Variants in MYOF observed in about 807,000 individuals in gnomAD.
The protein encoded by MYOF is fer-1-like 3, myoferlin.
In MYOF, 244 loss-of-function variants were observed where a neutral mutation model predicts 284.2. The observed-to-expected ratio is 0.86, with a 90% CI of 0.77 to 0.95. MYOF has a LOEUF of 0.95. Among genes scored for constraint, MYOF ranks in the 40% least tolerant of loss-of-function variants. MYOF has a pLI of 0.00. For synonymous variants in MYOF, 904 were observed against 919.7 expected, an observed-to-expected ratio of 0.98 and a Z score of 0.31; for missense variants, 2,496 against 2,560.6, an observed-to-expected ratio of 0.97 and a Z score of 0.54.
intron 16 of MYOF, among the ~76,000 whole-genome samples, chr10:93,394,682 G>C (rs552688741): frequency 1.4e-5 from 2 of 145,344 alleles, no homozygotes; most frequent in Non-Finnish European, 3.0e-5. Context: ...GGATGGTCTC[G>C]ATCTCCTGAC....
At chr10:93,342,622 C>T (rs1436202886) in intron 38 of MYOF, among the ~76,000 whole-genome samples, 5 of 152,118 alleles carry the variant, frequency 3.3e-5, no homozygotes, top group South Asian at 4.2e-4. Context: ...AAGAAGTGAA[C>T]GAAAATACTG....
chr10:93,363,321 C>T (rs1300914181), intron 27 of MYOF, among the ~76,000 whole-genome samples: 1 of 152,128 alleles, frequency 6.6e-6, no homozygotes, highest in Admixed American at 6.5e-5. Flanking sequence ...TTTTGATTTC[C>T]TTTAATGCTG....
At chr10:93,381,752 T>C (rs1846127313) in intron 19 of MYOF, among the ~76,000 whole-genome samples, 1 of 152,168 alleles carries the variant, frequency 6.6e-6, no homozygotes, top group African/African-American at 2.4e-5. Flanking sequence ...AGTATATTTT[T>C]TGGGCTGGGT....
chr10:93,351,303 A>C lies in MYOF; in HGVS notation c.3823-8T>G. ...GGGAAGGTTGGAGCCATCCTGTGAA[A>C]CAAACATGGATATGTCAATGCCTCA... On this transcript the variant is annotated splice_region_variant and splice_polypyrimidine_tract_variant and intron_variant, in intron 34 of 53. Coordinates refer to ENST00000359263, the MANE Select transcript of MYOF (RefSeq NM_013451.4). The C allele has an allele frequency of 1.9e-6, 3 of 1,611,622 alleles. No individual in the cohort carries two copies. The highest frequency in any genetic ancestry group is 2.5e-6 in the Non-Finnish European group (3 of 1,179,030).
intron 1 of MYOF, among the ~76,000 whole-genome samples, chr10:93,475,423 C>A (rs2057238334): frequency 6.6e-6 from 1 of 152,154 alleles, no homozygotes; most frequent in African/African-American, 2.4e-5. Flanking sequence ...CAATTTGCCC[C>A]CAGAGAACAG....
intron 1 of MYOF, among the ~76,000 whole-genome samples, chr10:93,463,394 A>AATTTTTTTTTTTTTTTTTTTTTTTT (rs34592074): frequency 1.3e-5 from 1 of 78,936 alleles, no homozygotes; most frequent in African/African-American, 4.8e-5. Context: ...GTCTCTACAA[A>AATTTTTTTTTTTTTTTTTTTTTTTT]TTTTTTTTTT....
At chr10:93,346,276 T>C (rs374470045) in intron 37 of MYOF, among the ~76,000 whole-genome samples, 3 of 152,392 alleles carry the variant, frequency 2.0e-5, no homozygotes, top group East Asian at 3.9e-4. Flanking sequence ...ACACAGCAGA[T>C]GAATTTCAGA....
At chr10:93,364,121 C>CGGCAGCCT in intron 26 of MYOF, 46 bp from the exon 27 acceptor site, 1 of 1,525,222 alleles carries the variant, frequency 6.6e-7, no homozygotes, top group Non-Finnish European at 9.1e-7. Flanking sequence ...ACCGGGTAAC[C>CGGCAGCCT]GGCAGCCTCG....
At position 93,329,715 on chromosome 10, in the gene MYOF, C is replaced by T. The variant is rs372110838; in HGVS notation, c.4931G>A (p.Arg1644Gln). ...VGETIIDLENRFLSRFGSHCG... is the reference protein window; with the variant it reads ...VGETIIDLENQFLSRFGSHCG... The stretch of plus-strand genomic sequence containing the variant: ...GTGGGACCCAAAGCGGGAAAGGAAT[C>T]GGTTTTCCAGATCAATAATTGTTTC... Residue 1644 changes from arginine to glutamine, a missense_variant, in exon 44 of 54, where the codon CGA becomes CAA. This residue lies in a region of MYOF where 2,436 missense variants were observed against 2,480.7 expected (regional missense o/e 0.98). Transcript: ENST00000359263. 1.1e-5 allele frequency: 17 copies of T among 1,614,084 alleles called. No homozygotes were observed. The highest frequency in any genetic ancestry group is 3.3e-5 in the Admixed American group (2 of 60,010).
At chr10:93,451,464 G>C (rs776231437) in intron 3 of MYOF, among the ~76,000 whole-genome samples, 1 of 152,068 alleles carries the variant, frequency 6.6e-6, no homozygotes, top group Non-Finnish European at 1.5e-5. Flanking sequence ...TCTGTCCCAC[G>C]GGAACCTGTT....
chr10:93,350,441 T>C (rs1243612624), intron 35 of MYOF, among the ~76,000 whole-genome samples: 1 of 152,112 alleles, frequency 6.6e-6, no homozygotes, highest in African/African-American at 2.4e-5. Flanking sequence ...GCTTCCCAAG[T>C]AGCTGGGATT....
chr10:93,371,806 ATGAG>A (rs1425582144), intron 24 of MYOF, among the ~76,000 whole-genome samples: 11 of 152,202 alleles, frequency 7.2e-5, no homozygotes, highest in Non-Finnish European at 1.3e-4. Flanking sequence ...AAACTGTGTA[ATGAG>A]TATTAACAAA....
At chr10:93,348,439 G>T (rs1374227019) in intron 36 of MYOF, among the ~76,000 whole-genome samples, 1 of 152,196 alleles carries the variant, frequency 6.6e-6, no homozygotes, top group East Asian at 1.9e-4. Context: ...TGACCTAGGG[G>T]CCCATTTGGT....
At chr10:93,413,023 C>T (rs546338804) in intron 5 of MYOF, among the ~76,000 whole-genome samples, 1 of 152,262 alleles carries the variant, frequency 6.6e-6, no homozygotes, top group African/African-American at 2.4e-5. Context: ...GTACTTCCTC[C>T]TTGCCATAAT....
At chr10:93,323,576 C>A in intron 46 of MYOF, 3 of 560,326 alleles carry the variant, frequency 5.4e-6, no homozygotes, top group South Asian at 2.4e-5. Context: ...ACTCAGGGGT[C>A]TCTGACGGCT....
intron 3 of MYOF, among the ~76,000 whole-genome samples, chr10:93,447,285 T>C (rs1037964428): frequency 3.3e-5 from 5 of 152,168 alleles, no homozygotes; most frequent in African/African-American, 9.7e-5. Flanking sequence ...TTTTAGTTCC[T>C]TCACTTACAG....
At chr10:93,381,148 C>G (rs999048202) in intron 20 of MYOF, 71 bp downstream of exon 20, 3 of 1,494,934 alleles carry the variant, frequency 2.0e-6, no homozygotes, top group Non-Finnish European at 9.2e-7. Context: ...AGGGAAGACA[C>G]AGTGCTTGCT....
chr10:93,383,468 A>G (rs930013612), intron 19 of MYOF, among the ~76,000 whole-genome samples: 1 of 151,562 alleles, frequency 6.6e-6, no homozygotes, highest in African/African-American at 2.4e-5. Context: ...TGTGAGTCTA[A>G]AAGCCTCCCT....
intron 3 of MYOF, among the ~76,000 whole-genome samples, chr10:93,442,041 C>CACACACACACACAGAGAG (rs57700900): frequency 0.016 from 2,250 of 142,478 alleles, 28 homozygotes; most frequent in African/African-American, 0.024. Flanking sequence ...CACACACACA[C>CACACACACACACAGAGAG]AGAATAAACC....
Sources: gnomAD v4.1 joint callset for allele counts (sites outside exome capture counted in the v4.1 genomes callset) on GRCh38, gnomAD v4.1.1 for gene constraint, gnomAD v4.1.1 regional missense constraint, MANE v1.5 for transcripts, NCBI Gene and HGNC (gene_info 2026-07-23, HGNC 2026-07-21) for gene names.